VAC14: variants seen among roughly 807,000 people sequenced by gnomAD.
VAC14 encodes the protein VAC14 component of PIKFYVE complex, also known as protein VAC14 homolog.
In VAC14, 47 loss-of-function variants were observed where a neutral mutation model predicts 85.3. The observed-to-expected ratio is 0.55, with a 90% CI of 0.44 to 0.70. The LOEUF is 0.70. Ranked by LOEUF, VAC14 falls within the 30% of genes least tolerant of loss-of-function variation. VAC14 has a pLI of 0.00. For synonymous variants in VAC14, 447 were observed against 430.5 expected (o/e 1.04, Z -0.47); for missense variants, 861 against 1,004.3 (o/e 0.86, Z 1.93).
At chr16:70,772,371 G>T in intron 9 of VAC14, 199 bp from the exon 10 acceptor site, 1 of 554,684 alleles carries the variant, frequency 1.8e-6, no homozygotes, top group East Asian at 2.9e-5. Flanking sequence ...TTGTAAGTCT[G>T]TAGTCACAGT....
chr16:70,717,658 T>C (rs2054195726), intron 14 of VAC14, among the ~76,000 whole-genome samples: 2 of 152,122 alleles, frequency 1.3e-5, no homozygotes, highest in South Asian at 4.1e-4. Flanking sequence ...TTCATTTTTT[T>C]CTTTTTCTTT....
At chr16:70,749,841 C>T (rs1244012981) in intron 12 of VAC14, among the ~76,000 whole-genome samples, 2 of 152,170 alleles carry the variant, frequency 1.3e-5, no homozygotes, top group Non-Finnish European at 2.9e-5. Flanking sequence ...GCACCAATCT[C>T]GATGCACACC....
chr16:70,754,395 C>A (rs1449315148), intron 12 of VAC14, among the ~76,000 whole-genome samples: 3 of 152,234 alleles, frequency 2.0e-5, no homozygotes, highest in Non-Finnish European at 4.4e-5. Flanking sequence ...CCAGCAGTGG[C>A]TGCTGGTACC....
At chr16:70,727,490 C>T (rs2054463618) in intron 14 of VAC14, among the ~76,000 whole-genome samples, 1 of 152,304 alleles carries the variant, frequency 6.6e-6, no homozygotes, top group East Asian at 1.9e-4. Flanking sequence ...TAGGCATGTG[C>T]CACCATGCCT....
At chr16:70,748,413 G>A (rs983738132) in intron 12 of VAC14, among the ~76,000 whole-genome samples, 2 of 152,208 alleles carry the variant, frequency 1.3e-5, no homozygotes, top group African/African-American at 2.4e-5. Flanking sequence ...ATGATGCCTG[G>A]GGGGGAGCCA....
intron 1 of VAC14, among the ~76,000 whole-genome samples, chr16:70,798,599 C>A (rs112244538): frequency 3.9e-5 from 6 of 152,310 alleles, no homozygotes; most frequent in African/African-American, 1.4e-4. Context: ...TCATTCTAAG[C>A]ATGACTGGAG....
At chr16:70,755,271 G>A in intron 12 of VAC14, 2 of 304,384 alleles carry the variant, frequency 6.6e-6, no homozygotes, top group African/African-American at 2.3e-5. Flanking sequence ...GCCAGGGACA[G>A]CCCATGGGGC....
At position 70,762,148 on chromosome 16, in the gene VAC14, C is replaced by T. The variant is rs577404856; in HGVS notation, c.1371+392G>A. Among the ~76,000 whole-genome samples, 13 of 152,130 alleles carry T rather than the reference C, an allele frequency of 8.5e-5. No homozygotes were observed. Among genetic ancestry groups the T allele is most frequent in the Admixed American group, 3.9e-4 (6 of 15,292 alleles). ...TTTGAGACAGGGTCTCACTCTGTCGCCCAAGCTGGAGTGCAGTGGCACGAT... is the reference window on the plus strand; with the variant it reads ...TTTGAGACAGGGTCTCACTCTGTCGTCCAAGCTGGAGTGCAGTGGCACGAT... On this transcript the variant is annotated intron_variant, in intron 12 of 18. Coordinates refer to ENST00000261776, the MANE Select transcript of VAC14 (RefSeq NM_018052.5). The surrounding 1 kb of genome is among the most constrained non-coding windows in gnomAD (Gnocchi z 4.1).
intron 16 of VAC14, 57 bp downstream of exon 16, chr16:70,697,082 C>G: frequency 6.9e-7 from 1 of 1,441,462 alleles, no homozygotes; most frequent in Non-Finnish European, 9.7e-7. Flanking sequence ...AAGGGGGCAG[C>G]CGGCCCCTTC....
At chr16:70,728,471 C>T (rs900320715) in intron 14 of VAC14, among the ~76,000 whole-genome samples, 6 of 152,208 alleles carry the variant, frequency 3.9e-5, no homozygotes, top group East Asian at 3.9e-4. Context: ...TGACGATTCC[C>T]GTGAGCCCAG....
intron 10 of VAC14, among the ~76,000 whole-genome samples, chr16:70,764,173 G>C (rs951932679): frequency 3.9e-5 from 6 of 152,200 alleles, no homozygotes; most frequent in Non-Finnish European, 5.9e-5. Context: ...AATCCCTAAA[G>C]GGCATGATTC....
intron 12 of VAC14, among the ~76,000 whole-genome samples, chr16:70,756,430 C>G (rs1213395564): frequency 1.3e-5 from 2 of 152,214 alleles, no homozygotes; most frequent in African/African-American, 4.8e-5. Context: ...ACCATGAAAA[C>G]AAATGAACTC....
At chr16:70,765,467 T>G (rs2032736396) in intron 10 of VAC14, among the ~76,000 whole-genome samples, 1 of 152,154 alleles carries the variant, frequency 6.6e-6, no homozygotes, top group South Asian at 2.1e-4. Flanking sequence ...TCCTGGGCGC[T>G]TTCCTACACA....
At chr16:70,731,319 A>G in intron 14 of VAC14, 176 bp downstream of exon 14, 1 of 1,452,892 alleles carries the variant, frequency 6.9e-7, no homozygotes, top group Admixed American at 2.5e-5. Flanking sequence ...TTCATGTCAG[A>G]AGCATCAGCA....
chr16:70,741,754 G>A (rs1036754613), intron 13 of VAC14, among the ~76,000 whole-genome samples: 1 of 152,226 alleles, frequency 6.6e-6, no homozygotes, highest in Non-Finnish European at 1.5e-5. Context: ...GTCCCTGGCT[G>A]ATGTGAGCTA....
At chr16:70,696,585 TTC>T (rs1404071569) in intron 16 of VAC14, among the ~76,000 whole-genome samples, 14 of 152,362 alleles carry the variant, frequency 9.2e-5, no homozygotes, top group African/African-American at 3.4e-4. Context: ...TGCCTCCTGC[TTC>T]TGAGGCCTCT....
intron 14 of VAC14, among the ~76,000 whole-genome samples, chr16:70,724,828 C>T (rs920950456): frequency 6.6e-6 from 1 of 152,230 alleles, no homozygotes; most frequent in African/African-American, 2.4e-5. Context: ...AAGAATTCCT[C>T]CTGCCTGTTC....
intron 12 of VAC14, among the ~76,000 whole-genome samples, chr16:70,759,841 G>A (rs972177035): frequency 6.6e-6 from 1 of 152,108 alleles, no homozygotes; most frequent in Non-Finnish European, 1.5e-5. Context: ...CTCAGGCCTG[G>A]TGAGGAAGCG....
At chr16:70,691,186 A>C (rs2053588465) in intron 18 of VAC14, 1 of 985,498 alleles carries the variant, frequency 1.0e-6, no homozygotes, top group Non-Finnish European at 1.2e-6. Context: ...GAGGAGTCTG[A>C]CTGCTCTGAG....
Sources: gnomAD v4.1 joint callset for allele counts (sites outside exome capture counted in the v4.1 genomes callset) on GRCh38, gnomAD v4.1.1 for gene constraint, Gnocchi (gnomAD v3.1) non-coding constraint, MANE v1.5 for transcripts, NCBI Gene and HGNC (gene_info 2026-07-23, HGNC 2026-07-21) for gene names.